TRA2B: variants seen among roughly 807,000 people sequenced by gnomAD.
The protein encoded by TRA2B is transformer-2 protein homolog beta.
A neutral mutation model predicts 41.7 loss-of-function variants in TRA2B; 14 were observed. That is an observed-to-expected ratio of 0.34 (90% CI 0.22 to 0.53). The LOEUF is 0.53. Ranked by LOEUF, TRA2B falls within the 20% of genes least tolerant of loss-of-function variation. The pLI is 0.95. For synonymous variants in TRA2B, 130 were observed against 128.8 expected, an observed-to-expected ratio of 1.01 and a Z score of -0.06; for missense variants, 167 against 396.8, an observed-to-expected ratio of 0.42 and a Z score of 4.92.
intron 1 of TRA2B, among the ~76,000 whole-genome samples, chr3:185,933,745 T>C (rs910801953): frequency 2.0e-5 from 3 of 152,138 alleles, no homozygotes; most frequent in Non-Finnish European, 2.9e-5. Context: ...AAAAACATCA[T>C]CTGAAATTAG....
At chr3:185,935,233 T>C in intron 1 of TRA2B, 1 of 985,400 alleles carries the variant, frequency 1.0e-6, no homozygotes, top group Non-Finnish European at 1.2e-6. Flanking sequence ...GAGTCTTGAA[T>C]CCGGAGATGA....
At position 185,930,767 on chromosome 3, in the gene TRA2B, G is replaced by A. The variant is rs566521866; in HGVS notation, c.37-4033C>T. 1.2e-4 allele frequency among the ~76,000 whole-genome samples: 18 copies of A among 152,284 alleles called. No individual in the cohort carries two copies. In the South Asian group the frequency reaches 3.5e-3, roughly 30 times the overall value. ...AGGGATACCAGGTAACCAGAATAAAGCTACTTTGTAACCGTTACCTCTAAC... is the reference window on the plus strand; with the variant it reads ...AGGGATACCAGGTAACCAGAATAAAACTACTTTGTAACCGTTACCTCTAAC... On this transcript the variant is annotated intron_variant, in intron 1 of 8. Coordinates refer to ENST00000453386, the MANE Select transcript of TRA2B (RefSeq NM_004593.3).
intron 1 of TRA2B, among the ~76,000 whole-genome samples, chr3:185,929,704 TCC>T (rs1447686704): frequency 6.6e-6 from 1 of 152,128 alleles, no homozygotes; most frequent in Admixed American, 6.5e-5. Context: ...GGACTAACCA[TCC>T]AATCCCTGTA....
At chr3:185,922,160 T>C (rs1191744205) in intron 4 of TRA2B, 34 bp from the exon 5 acceptor site, 5 of 1,507,434 alleles carry the variant, frequency 3.3e-6, no homozygotes, top group Admixed American at 3.5e-5. Context: ...ACATACATCC[T>C]GAACAAAGCC....
chr3:185,925,305 G>A (rs916486852), intron 3 of TRA2B, 159 bp downstream of exon 3: 2 of 801,890 alleles, frequency 2.5e-6, no homozygotes, highest in Admixed American at 3.1e-5. Flanking sequence ...ACCCCGTCAT[G>A]GAAGATTAAC....
Position 185,937,965 on chromosome 3 carries a change from GC to G in TRA2B, c.-106del. On this transcript the variant is annotated 5_prime_UTR_variant, in exon 1 of 9. Transcript: ENST00000453386. ...CGCAGCCCCGCACGACGCGCCGGTC[GC>G]CCAGCCGCTCAGAGCCGAAATGCTC... 1 of 1,423,022 alleles carries G rather than the reference GC, an allele frequency of 7.0e-7. No homozygotes were observed. Among genetic ancestry groups the G allele is most frequent in the Non-Finnish European group, 9.7e-7 (1 of 1,030,216 alleles). The allele number at this position is 1,423,022 out of a possible 1,614,324, so 88.1% of individuals were successfully genotyped here. A position where few individuals can be genotyped will look rare whatever the true frequency, so the allele number is the denominator to read the frequency against.
At chr3:185,919,637 A>G in intron 6 of TRA2B, 141 bp from the exon 7 acceptor site, 1 of 648,132 alleles carries the variant, frequency 1.5e-6, no homozygotes, top group Non-Finnish European at 2.6e-6. Flanking sequence ...CACCCTTTTT[A>G]GAAACTGGCA....
At chr3:185,924,232 G>A (rs944150095) in intron 3 of TRA2B, 3 of 329,546 alleles carry the variant, frequency 9.1e-6, no homozygotes, top group African/African-American at 4.3e-5. Context: ...TCGTGCTGGC[G>A]AAAAGCAACT....
chr3:185,935,601 G>C, intron 1 of TRA2B: 1 of 985,406 alleles, frequency 1.0e-6, no homozygotes, highest in Non-Finnish European at 1.2e-6. Flanking sequence ...GAAGAGATTA[G>C]TGATTTACAT....
chr3:185,935,943 A>T, intron 1 of TRA2B: 1 of 985,434 alleles, frequency 1.0e-6, no homozygotes. Context: ...CTCCCTCTAC[A>T]ATTCAAAGAT....
intron 8 of TRA2B, 29 bp downstream of exon 8, chr3:185,918,336 T>TAAAC: frequency 6.5e-7 from 1 of 1,549,940 alleles, no homozygotes; most frequent in East Asian, 2.2e-5. Flanking sequence ...TACTACAATA[T>TAAAC]AAACAATCAT....
At chr3:185,921,381 T>C (rs1266137339) in intron 5 of TRA2B, among the ~76,000 whole-genome samples, 194 bp from the exon 6 acceptor site, 1 of 152,180 alleles carries the variant, frequency 6.6e-6, no homozygotes, top group Non-Finnish European at 1.5e-5. Flanking sequence ...AAATCTTTGG[T>C]TAAGGAGGCA....
intron 1 of TRA2B, among the ~76,000 whole-genome samples, chr3:185,934,089 G>T (rs1407042285): frequency 6.6e-6 from 1 of 152,084 alleles, no homozygotes; most frequent in African/African-American, 2.4e-5. Flanking sequence ...AAGACTAAGT[G>T]ATTTCAATAT....
At chr3:185,925,057 G>A (rs1743892106) in intron 3 of TRA2B, 1 of 153,920 alleles carries the variant, frequency 6.5e-6, no homozygotes, top group Non-Finnish European at 1.4e-5. Context: ...TGTAAAAAAT[G>A]CCTTAACAAC....
intron 1 of TRA2B, chr3:185,931,537 A>C: frequency 8.8e-7 from 1 of 1,139,732 alleles, no homozygotes; most frequent in East Asian, 4.3e-5. Flanking sequence ...ATGCATGTTT[A>C]GCAAAATATA....
At chr3:185,930,506 G>C (rs532858625) in intron 1 of TRA2B, among the ~76,000 whole-genome samples, 2 of 152,252 alleles carry the variant, frequency 1.3e-5, no homozygotes, top group Admixed American at 1.3e-4. Context: ...ATGAAGACCT[G>C]ACAACTCTCA....
chr3:185,937,554 T>G, intron 1 of TRA2B: 2 of 964,202 alleles, frequency 2.1e-6, no homozygotes, highest in East Asian at 6.9e-5. Context: ...AGCGGCCATT[T>G]TCATCTTCCC....
Position 185,936,684 on chromosome 3 carries a change from TTTTTA to T in TRA2B, c.36+1136_36+1140del, listed in dbSNP as rs1358348973. On this transcript the variant is annotated intron_variant, in intron 1 of 8. Coordinates refer to ENST00000453386, the MANE Select transcript of TRA2B (RefSeq NM_004593.3). Reference sequence around the variant, plus strand: ...AACTTAGGTAACAAATTGTTTTTTTTTTTTAAAAAAGCACAAATTATTCCCACAGC... The same window carrying T: ...AACTTAGGTAACAAATTGTTTTTTTTAAAAAGCACAAATTATTCCCACAGC... 1.3e-5 allele frequency: 13 copies of T among 983,788 alleles called. No homozygotes were observed. The African/African-American group carries it at 2.3e-4, about 17-fold the overall frequency. 60.9% of individuals were successfully genotyped at this position (983,788 alleles called of 1,614,324 possible).
chr3:185,928,260 ACT>A (rs971684372), intron 1 of TRA2B: 3 of 152,226 alleles, frequency 2.0e-5, no homozygotes, highest in Non-Finnish European at 4.4e-5. Flanking sequence ...GGAAAGGCTA[ACT>A]CATCCAGTAA....
Sources: allele counts gnomAD v4.1 joint callset (sites outside exome capture counted in the v4.1 genomes callset), GRCh38; gene constraint gnomAD v4.1.1; transcripts MANE v1.5; gene names NCBI Gene and HGNC (gene_info 2026-07-23, HGNC 2026-07-21).